Variants in SLC17A1 observed in about 807,000 individuals in gnomAD.
SLC17A1 encodes sodium-dependent phosphate transport protein 1.
Under a neutral mutation model 53.5 loss-of-function variants are expected in SLC17A1, and 51 were observed. The observed-to-expected ratio is 0.95, with a 90% CI of 0.76 to 1.20. SLC17A1 has a LOEUF of 1.20. Among genes scored for constraint, SLC17A1 ranks in the 50% most tolerant of loss-of-function variants. SLC17A1 has a pLI of 0.00. For missense variants in SLC17A1, 538 were observed against 568.2 expected, an observed-to-expected ratio of 0.95 and a Z score of 0.54; for synonymous variants, 179 against 198.8, an observed-to-expected ratio of 0.90 and a Z score of 0.84.
chr6:25,777,614 T>A, the SLC17A1 span: 1 of 226,622 alleles, frequency 4.4e-6, no homozygotes. Flanking sequence ...AACAAAAACC[T>A]TACAAACCAG....
the SLC17A1 span, among the ~76,000 whole-genome samples, chr6:25,736,605 C>T: frequency 4.6e-5 from 7 of 152,136 alleles, no homozygotes; most frequent in African/African-American, 1.7e-4. Context: ...AACATTTTGA[C>T]TCCCTTCCAT....
At chr6:25,759,591 T>A in the SLC17A1 span, among the ~76,000 whole-genome samples, 1 of 152,250 alleles carries the variant, frequency 6.6e-6, no homozygotes, top group Non-Finnish European at 1.5e-5. Flanking sequence ...AAGTTTGTTT[T>A]GTCTGATGTA....
the SLC17A1 span, chr6:25,726,180 C>T: frequency 4.4e-6 from 7 of 1,588,012 alleles, 2 homozygotes; most frequent in South Asian, 8.0e-5. Context: ...TCTTGGGCAG[C>T]AGCACTGCCT....
At chr6:25,742,399 C>A in the SLC17A1 span, among the ~76,000 whole-genome samples, 1 of 151,844 alleles carries the variant, frequency 6.6e-6, no homozygotes, top group African/African-American at 2.4e-5. Context: ...GTGACTCATG[C>A]CTATAATCCC....
chr6:25,732,276 A>G, the SLC17A1 span, among the ~76,000 whole-genome samples: 3 of 152,204 alleles, frequency 2.0e-5, no homozygotes, highest in African/African-American at 7.2e-5. Flanking sequence ...ATCTGATTGG[A>G]TAATAGGTAG....
chr6:25,811,472 GA>G lies in SLC17A1; in HGVS notation c.1103del (p.Phe368SerfsTer2). 2.5e-6 allele frequency: 4 copies of G among 1,613,958 alleles called. No homozygotes were observed. The highest frequency in any genetic ancestry group is 3.4e-6 in the Non-Finnish European group (4 of 1,179,918). ...LSSTFYSIVI[F>X]LILAGATGSF... is the part of the protein sequence containing the mutation. ...TGCCTGTTGCACCAGCAAGTATTAG[GA>G]AAATGACAATGCTGTAGAAGGTGGA... On this transcript the variant is annotated frameshift_variant, in exon 10 of 13. Transcript: ENST00000244527. LOFTEE classifies it high-confidence loss of function.
At chr6:25,776,263 G>A in the SLC17A1 span, among the ~76,000 whole-genome samples, 14 of 152,040 alleles carry the variant, frequency 9.2e-5, no homozygotes, top group African/African-American at 3.4e-4. Flanking sequence ...ACATGTTTAG[G>A]AGCCACTTAT....
the SLC17A1 span, among the ~76,000 whole-genome samples, chr6:25,760,709 C>T: frequency 4.6e-5 from 7 of 152,082 alleles, no homozygotes; most frequent in Admixed American, 1.3e-4. Context: ...AGCTCATTAC[C>T]GTTGATTTTG....
chr6:25,779,370 C>T (rs1763193964), downstream of SLC17A1: 3 of 700,660 alleles, frequency 4.3e-6, no homozygotes, highest in South Asian at 2.1e-5. Flanking sequence ...TATTTAACTG[C>T]AAGCTACTAA....
the SLC17A1 span, among the ~76,000 whole-genome samples, chr6:25,735,215 A>G: frequency 6.6e-6 from 1 of 152,248 alleles, no homozygotes; most frequent in Non-Finnish European, 1.5e-5. Context: ...TCAGAAAGCC[A>G]TAGTAAACAT....
intron 11 of SLC17A1, among the ~76,000 whole-genome samples, chr6:25,800,246 C>T (rs1763714950): frequency 6.6e-6 from 1 of 151,820 alleles, no homozygotes; most frequent in Non-Finnish European, 1.5e-5. Flanking sequence ...TTCATTATAA[C>T]TGAAGACATA....
downstream of SLC17A1, among the ~76,000 whole-genome samples, chr6:25,778,454 T>C (rs927479158): frequency 1.3e-5 from 2 of 152,132 alleles, no homozygotes; most frequent in African/African-American, 2.4e-5. Context: ...GGCACTAGCA[T>C]ACTGTCAGGA....
chr6:25,792,122 T>C (rs974366183), intron 12 of SLC17A1, among the ~76,000 whole-genome samples: 4 of 152,174 alleles, frequency 2.6e-5, no homozygotes, highest in Admixed American at 2.6e-4. Context: ...ATACTCTCAG[T>C]TCCCTGAAAA....
In SLC17A1 at chr6:25,786,110, G is replaced by T. The variant is rs184725812; in HGVS notation, c.*3-2892C>A. On this transcript the variant is annotated intron_variant, in intron 12 of 12. Transcript: ENST00000244527. The stretch of plus-strand genomic sequence containing the variant: ...TGGATTAATGTATAAACAAAATGTA[G>T]CATAGCCATACAGTCGAATACTACT... 2.3e-3 allele frequency among the ~76,000 whole-genome samples: 348 copies of T among 152,286 alleles called. 1 individual carries two copies. The highest frequency in any genetic ancestry group is 0.01 in the Middle Eastern group (3 of 294).
the SLC17A1 span, among the ~76,000 whole-genome samples, chr6:25,768,626 C>T: frequency 6.6e-6 from 1 of 152,188 alleles, no homozygotes; most frequent in Non-Finnish European, 1.5e-5. Context: ...GCAGTTTCCT[C>T]TCTCTCACTG....
chr6:25,749,481 G>A, the SLC17A1 span, among the ~76,000 whole-genome samples: 2 of 143,374 alleles, frequency 1.4e-5, no homozygotes, highest in South Asian at 4.6e-4. Context: ...TCCCTACAAG[G>A]AGACAAAACC....
At chr6:25,814,955 C>A (rs1764286323) in intron 6 of SLC17A1, among the ~76,000 whole-genome samples, 1 of 150,960 alleles carries the variant, frequency 6.6e-6, no homozygotes, top group African/African-American at 2.4e-5. Context: ...CATTGCACTC[C>A]AGGCTGGCCG....
At chr6:25,828,984 C>T (rs147355080) in intron 2 of SLC17A1, among the ~76,000 whole-genome samples, 39 of 152,078 alleles carry the variant, frequency 2.6e-4, no homozygotes, top group East Asian at 9.7e-4. Context: ...ACTGAGCTTC[C>T]GTTGTTAAAA....
At chr6:25,828,033 C>G (rs1292819352) in intron 2 of SLC17A1, among the ~76,000 whole-genome samples, 1 of 152,068 alleles carries the variant, frequency 6.6e-6, no homozygotes, top group Non-Finnish European at 1.5e-5. Flanking sequence ...TTAATCCCTC[C>G]TAGGGCACAA....
Sources: allele counts gnomAD v4.1 joint callset (sites outside exome capture counted in the v4.1 genomes callset), GRCh38; gene constraint gnomAD v4.1.1; transcripts MANE v1.5; gene names NCBI Gene and HGNC (gene_info 2026-07-23, HGNC 2026-07-21).